POTEM: variants seen among roughly 807,000 people sequenced by gnomAD.
The protein encoded by POTEM is POTE ankyrin domain family member M, also known as putative POTE ankyrin domain family member M.
For synonymous variants in POTEM, 8 were observed against 113.2 expected, an observed-to-expected ratio of 0.07 and a Z score of 5.90; for missense variants, 24 against 343.0, an observed-to-expected ratio of 0.07 and a Z score of 7.35.
intron 1 of POTEM, among the ~76,000 whole-genome samples, chr14:18,968,437 A>G (rs1890815307): frequency 6.6e-6 from 1 of 152,272 alleles, no homozygotes; most frequent in Admixed American, 6.5e-5. Flanking sequence ...TACACTATGT[A>G]AATATGTTCT....
At position 18,982,602 on chromosome 14, in the gene POTEM, A is replaced by T. The variant is rs1891111590; in HGVS notation, c.1126+2458A>T. Among the ~76,000 whole-genome samples the T allele has an allele frequency of 5.1e-5, 7 of 138,348 alleles. No homozygotes were observed. The South Asian group carries it at 1.7e-3, about 34-fold the overall frequency. 90.8% of individuals were successfully genotyped at this position (138,348 alleles called of 152,430 possible). On this transcript the variant is annotated intron_variant, in intron 6 of 10. Transcript: ENST00000547889. ...ACTATGTAAAGAAACCAGGAGACAA[A>T]GGAAGCTTTTGCAGTAGTCAGCTAT...
At chr14:18,969,335 G>C (rs928793538) in intron 1 of POTEM, among the ~76,000 whole-genome samples, 1 of 76,968 alleles carries the variant, frequency 1.3e-5, no homozygotes, top group Admixed American at 1.2e-4. Context: ...ATATATATAC[G>C]TATATACATA....
intron 9 of POTEM, among the ~76,000 whole-genome samples, chr14:18,993,130 C>T (rs1450835715): frequency 4.4e-5 from 3 of 68,342 alleles, no homozygotes; most frequent in Non-Finnish European, 8.7e-5. Flanking sequence ...CTCCTGACCT[C>T]AGGCAATCCA....
intron 7 of POTEM, among the ~76,000 whole-genome samples, chr14:18,985,778 A>C (rs1480123563): frequency 6.9e-6 from 1 of 143,954 alleles, no homozygotes; most frequent in African/African-American, 2.7e-5. Flanking sequence ...GGTGGTGGGC[A>C]CCTGTAGTCT....
At chr14:18,985,642 A>T (rs1891163389) in intron 7 of POTEM, among the ~76,000 whole-genome samples, 161 bp downstream of exon 7, 1 of 136,036 alleles carries the variant, frequency 7.4e-6, no homozygotes, top group Admixed American at 7.7e-5. Context: ...GGGGTGGCTC[A>T]TGCCTGTAAT....
chr14:18,969,378 T>TACATGTGTATATATATATATATATATAC, intron 1 of POTEM, among the ~76,000 whole-genome samples: 2 of 107,572 alleles, frequency 1.9e-5, no homozygotes, highest in South Asian at 6.4e-4. Flanking sequence ...TATATATATA[T>TACATGTGTATATATATATATATATATAC]ACACAAAATT....
intron 3 of POTEM, among the ~76,000 whole-genome samples, chr14:18,975,330 C>T (rs1326398106): frequency 0.023 from 1,737 of 76,250 alleles, no homozygotes; most frequent in Middle Eastern, 0.048. Flanking sequence ...TGTTTTTTAT[C>T]AATTGAAGCT....
At chr14:18,969,286 C>CATGTATATATATGTATATACGTATATAT (rs1890842312) in intron 1 of POTEM, among the ~76,000 whole-genome samples, 7 of 108,058 alleles carry the variant, frequency 6.5e-5, no homozygotes, top group Admixed American at 1.8e-4. Flanking sequence ...TATATATACA[C>CATGTATATATATGTATATACGTATATAT]ATGTATATAT....
At chr14:18,968,694 G>A (rs1377805423) in intron 1 of POTEM, among the ~76,000 whole-genome samples, 3 of 152,242 alleles carry the variant, frequency 2.0e-5, no homozygotes, top group East Asian at 1.9e-4. Context: ...GCGGTGGCAG[G>A]CACCTGTAGT....
chr14:18,967,738 G>A lies in POTEM; in HGVS notation c.253G>A (p.Asp85Asn). The A allele has an allele frequency of 6.2e-7, 1 of 1,610,850 alleles. No individual in the cohort carries two copies. Among genetic ancestry groups the A allele is most frequent in the Admixed American group, 1.7e-5 (1 of 59,632 alleles). ...SGKSNVGTSG[D>N]HDDSAMKTLR... ...CAAGAGCAACGTGGGCACTTCTGGA[G>A]ACCACGACGACTCTGCTATGAAGAC... is the stretch of plus-strand genomic sequence containing the variant. The change falls in exon 1 of 11, where the codon GAC becomes AAC. Residue 85 changes from aspartate to asparagine, a missense_variant. Asp to Asn is a conservative substitution (Grantham distance 23). Coordinates refer to ENST00000547889, the MANE Select transcript of POTEM (RefSeq NM_001145442.1).
At chr14:18,969,357 G>GTACA (rs1437359875) in intron 1 of POTEM, among the ~76,000 whole-genome samples, 3 of 105,368 alleles carry the variant, frequency 2.8e-5, no homozygotes, top group African/African-American at 8.6e-5. Flanking sequence ...ATATACATGT[G>GTACA]TATATATATA....
chr14:18,968,343 G>A (rs1186538170), intron 1 of POTEM, among the ~76,000 whole-genome samples: 1 of 152,302 alleles, frequency 6.6e-6, no homozygotes, highest in Admixed American at 6.5e-5. Flanking sequence ...TGTATATTGA[G>A]AACTAAGAAT....
chr14:18,968,247 G>A (rs1480768212), intron 1 of POTEM, among the ~76,000 whole-genome samples: 1 of 152,270 alleles, frequency 6.6e-6, no homozygotes, highest in African/African-American at 2.4e-5. Flanking sequence ...AGACTGTTTT[G>A]AAGTGATTTA....
intron 1 of POTEM, among the ~76,000 whole-genome samples, chr14:18,968,993 C>A (rs1376022634): frequency 1.3e-5 from 2 of 150,514 alleles, no homozygotes; most frequent in African/African-American, 2.5e-5. Context: ...TCAAAATGTG[C>A]ATGTTATTTA....
chr14:18,975,179 A>G (rs1890936195), intron 3 of POTEM, among the ~76,000 whole-genome samples: 1 of 99,282 alleles, frequency 1.0e-5, no homozygotes. Flanking sequence ...GGTCTTTAGT[A>G]GTTTGCTGTG....
At chr14:18,969,342 C>CATATATATACATGTGTATATATATAT (rs1664629384) in intron 1 of POTEM, among the ~76,000 whole-genome samples, 2 of 89,508 alleles carry the variant, frequency 2.2e-5, no homozygotes, top group Non-Finnish European at 4.2e-5. Flanking sequence ...TACGTATATA[C>CATATATATACATGTGTATATATATAT]ATATATATAC....
At chr14:18,968,262 G>A (rs200884427) in intron 1 of POTEM, among the ~76,000 whole-genome samples, 1,355 of 144,834 alleles carry the variant, frequency 9.4e-3, no homozygotes, top group East Asian at 0.058. Flanking sequence ...GATTTAACTC[G>A]CAACATTGTC....
intron 7 of POTEM, among the ~76,000 whole-genome samples, chr14:18,986,287 G>C (rs1386363241): frequency 2.1e-5 from 3 of 140,696 alleles, no homozygotes; most frequent in African/African-American, 8.5e-5. Flanking sequence ...ATCATGGCCA[G>C]TGATTGAAAA....
At position 18,996,453 on chromosome 14, in the gene POTEM, G is replaced by A. The variant is rs1156709985; in HGVS notation, c.1410-588G>A. Among the ~76,000 whole-genome samples, 11 of 134,814 alleles carry A rather than the reference G, an allele frequency of 8.2e-5. No homozygotes were observed. The South Asian group carries it at 2.0e-3, about 24-fold the overall frequency. 88.4% of individuals were successfully genotyped at this position (134,814 alleles called of 152,430 possible). ...CTGGGCCACACAGCAGGAAGTTAGA[G>A]GCAGGTGAGCAAGCAAAGCTTCATC... On this transcript the variant is annotated intron_variant, in intron 9 of 10. Transcript: ENST00000547889.
Sources: allele counts gnomAD v4.1 joint callset (sites outside exome capture counted in the v4.1 genomes callset), GRCh38; gene constraint gnomAD v4.1.1; transcripts MANE v1.5; gene names NCBI Gene and HGNC (gene_info 2026-07-23, HGNC 2026-07-21).